The following KCNQ5 variants were observed in gnomAD, a reference collection of about 807,000 sequenced individuals.
KCNQ5 encodes potassium voltage-gated channel subfamily Q member 5.
KCNQ5 carries 30 observed loss-of-function variants against 98.2 expected under a neutral mutation model. That is an observed-to-expected ratio of 0.31 (90% CI 0.23 to 0.41). The LOEUF is 0.41. Among genes scored for constraint, KCNQ5 ranks in the 10% least tolerant of loss-of-function variants. The pLI is 1.00. For missense variants in KCNQ5, 835 were observed against 1,182.5 expected (o/e 0.71, Z 4.31); for synonymous variants, 458 against 449.4 (o/e 1.02, Z -0.24).
intron 1 of KCNQ5, among the ~76,000 whole-genome samples, chr6:72,636,660 T>C (rs1195658094): frequency 6.6e-6 from 1 of 152,202 alleles, no homozygotes; most frequent in Admixed American, 6.5e-5. Context: ...GATATAATTC[T>C]TCAATGTTTG....
At chr6:72,748,803 G>A (rs1342429955) in intron 1 of KCNQ5, among the ~76,000 whole-genome samples, 1 of 152,160 alleles carries the variant, frequency 6.6e-6, no homozygotes, top group South Asian at 2.1e-4. Flanking sequence ...AGTGGGAAAT[G>A]TTTTGGGAGA....
chr6:72,761,891 T>C (rs903041138), intron 1 of KCNQ5, among the ~76,000 whole-genome samples: 1 of 152,078 alleles, frequency 6.6e-6, no homozygotes, highest in Admixed American at 6.6e-5. Flanking sequence ...CTTTGATACG[T>C]AGAAGTCCCC....
intron 13 of KCNQ5, among the ~76,000 whole-genome samples, chr6:73,193,864 G>A (rs1431847372): frequency 6.8e-6 from 1 of 147,590 alleles, no homozygotes; most frequent in Non-Finnish European, 1.5e-5. Context: ...TTCAGACAGG[G>A]ACTTCTCTGT....
At chr6:73,109,339 CA>C (rs1474492568) in intron 6 of KCNQ5, among the ~76,000 whole-genome samples, 3 of 152,146 alleles carry the variant, frequency 2.0e-5, no homozygotes, top group Non-Finnish European at 4.4e-5. Context: ...CATAAGTGCT[CA>C]AAATGGTAGC....
chr6:72,682,417 T>C (rs1476792016), intron 1 of KCNQ5, among the ~76,000 whole-genome samples: 1 of 152,186 alleles, frequency 6.6e-6, no homozygotes, highest in Admixed American at 6.5e-5. Context: ...GATTCTCTCC[T>C]TATTTTCAGT....
intron 1 of KCNQ5, among the ~76,000 whole-genome samples, chr6:72,883,826 A>G (rs543781481): frequency 1.3e-5 from 2 of 152,172 alleles, no homozygotes; most frequent in Non-Finnish European, 2.9e-5. Flanking sequence ...AAGAATACAA[A>G]AAGTAGGAAC....
rs530306836 is a variant in KCNQ5 at position 73,087,200 on chromosome 6, A to G, written c.918+9313A>G. 2.0e-5 allele frequency among the ~76,000 whole-genome samples: 3 copies of G among 152,342 alleles called. No individual in the cohort carries two copies. In the East Asian group the frequency reaches 5.8e-4, roughly 29 times the overall value. On this transcript the variant is annotated intron_variant, in intron 5 of 13. Transcript: ENST00000370398. ...CAGAGAGAGCAATTAAGAGGCTACT[A>G]TAGCAGCCTGGTCTACCATGGTGGC...
rs1778284660 is a variant in KCNQ5 at position 72,873,251 on chromosome 6, G to A, written c.399-130657G>A. ...TGTACCAATTGAATATGATATTTGA[G>A]TTTAATGTTTTTATTTGTATTTACT... is the stretch of plus-strand genomic sequence containing the variant. On this transcript the variant is annotated intron_variant, in intron 1 of 13. Transcript: ENST00000370398. Among the ~76,000 whole-genome samples, 3 of 152,022 alleles carry A rather than the reference G, an allele frequency of 2.0e-5. No homozygotes were observed. The South Asian group carries it at 6.2e-4, about 32-fold the overall frequency.
chr6:72,762,299 G>C (rs147377130), intron 1 of KCNQ5, among the ~76,000 whole-genome samples: 82 of 152,094 alleles, frequency 5.4e-4, no homozygotes, highest in African/African-American at 1.9e-3. Context: ...TGAGACTAAA[G>C]GGAGGTGAAA....
intron 10 of KCNQ5, among the ~76,000 whole-genome samples, chr6:73,148,802 A>T (rs1777022940): frequency 6.6e-6 from 1 of 152,156 alleles, no homozygotes; most frequent in Non-Finnish European, 1.5e-5. Context: ...ATTTTCCCAG[A>T]ATTTATTTCA....
At chr6:72,797,641 A>T (rs1309530478) in intron 1 of KCNQ5, among the ~76,000 whole-genome samples, 1 of 152,172 alleles carries the variant, frequency 6.6e-6, no homozygotes. Context: ...TGTTTAGCCA[A>T]TTGAGGTTTT....
At chr6:72,785,289 G>A (rs1773678438) in intron 1 of KCNQ5, among the ~76,000 whole-genome samples, 2 of 152,264 alleles carry the variant, frequency 1.3e-5, no homozygotes, top group South Asian at 2.1e-4. Context: ...TAGTAGCAAA[G>A]GTTGAAGACA....
At position 73,198,219 on chromosome 6, in the gene KCNQ5, C is replaced by T. The variant is rs1385485334; in HGVS notation, c.*2805C>T. On this transcript the variant is annotated 3_prime_UTR_variant, in exon 14 of 14. Transcript: ENST00000370398. ...GCCTTCTTCAACATGTAGGGTTGAT[C>T]AAGCTAATACTTAATTGCAAATATC... 6.6e-6 allele frequency: 1 copy of T among 152,168 alleles called. No homozygotes were observed. The highest frequency in any genetic ancestry group is 1.5e-5 in the Non-Finnish European group (1 of 68,034). 9.4% of individuals were successfully genotyped at this position (152,168 alleles called of 1,614,324 possible). A position where few individuals can be genotyped will look rare whatever the true frequency, so the allele number is the denominator to read the frequency against.
intron 1 of KCNQ5, among the ~76,000 whole-genome samples, chr6:72,839,843 C>A (rs557346933): frequency 1.3e-5 from 2 of 152,264 alleles, no homozygotes; most frequent in South Asian, 4.1e-4. Flanking sequence ...ATATATAATA[C>A]AACACATTAT....
chr6:72,940,187 G>T (rs1766155130), intron 1 of KCNQ5, among the ~76,000 whole-genome samples: 1 of 152,160 alleles, frequency 6.6e-6, no homozygotes, highest in Non-Finnish European at 1.5e-5. Flanking sequence ...GAGAGGTAGA[G>T]ATTTGAAGCA....
intron 6 of KCNQ5, among the ~76,000 whole-genome samples, chr6:73,109,206 T>A (rs9293920): frequency 0.73 from 111,054 of 152,172 alleles, 45,664 homozygotes; most frequent in South Asian, 0.94. Flanking sequence ...AATATATGTT[T>A]CCGAGCAATG....
At chr6:73,111,225 C>A in intron 6 of KCNQ5, 83 bp from the exon 7 acceptor site, 1 of 904,886 alleles carries the variant, frequency 1.1e-6, no homozygotes, top group Non-Finnish European at 1.8e-6. Context: ...TTCTCTCAGA[C>A]TCATTTTAGT....
chr6:72,950,780 A>C (rs1009358008), intron 1 of KCNQ5, among the ~76,000 whole-genome samples: 1 of 152,226 alleles, frequency 6.6e-6, no homozygotes, highest in African/African-American at 2.4e-5. Context: ...ATATGTTTTC[A>C]TAACTTGGAG....
At chr6:72,778,705 G>A (rs1328549314) in intron 1 of KCNQ5, among the ~76,000 whole-genome samples, 1 of 152,118 alleles carries the variant, frequency 6.6e-6, no homozygotes, top group Non-Finnish European at 1.5e-5. Flanking sequence ...ACATCATGTT[G>A]TGCAGTGTAA....
Sources: allele counts gnomAD v4.1 joint callset (sites outside exome capture counted in the v4.1 genomes callset), GRCh38; gene constraint gnomAD v4.1.1; transcripts MANE v1.5; gene names NCBI Gene and HGNC (gene_info 2026-07-23, HGNC 2026-07-21).